TMOD2: variants seen among roughly 807,000 people sequenced by gnomAD.
TMOD2 encodes tropomodulin 2.
Under a neutral mutation model 39.9 loss-of-function variants are expected in TMOD2, and 22 were observed. That is an observed-to-expected ratio of 0.55 (90% confidence interval 0.39 to 0.79). The LOEUF is 0.79. Among genes scored for constraint, TMOD2 ranks in the 30% least tolerant of loss-of-function variants. The pLI is 0.00. For missense variants in TMOD2, 386 were observed against 413.3 expected (o/e 0.93, Z 0.57); for synonymous variants, 123 against 146.1 (o/e 0.84, Z 1.14).
At chr15:51,807,117 G>C (rs1158049849) in intron 9 of TMOD2, among the ~76,000 whole-genome samples, 1 of 152,220 alleles carries the variant, frequency 6.6e-6, no homozygotes, top group Non-Finnish European at 1.5e-5. Flanking sequence ...AACTGGGAAA[G>C]CTTGGTCTGA....
At chr15:51,791,637 G>A (rs2056012886) in intron 7 of TMOD2, among the ~76,000 whole-genome samples, 1 of 152,168 alleles carries the variant, frequency 6.6e-6, no homozygotes, top group African/African-American at 2.4e-5. Context: ...AAAACAGCAT[G>A]GTACTGGTAC....
chr15:51,773,025 A>G (rs1329872890), intron 3 of TMOD2, among the ~76,000 whole-genome samples: 1 of 152,152 alleles, frequency 6.6e-6, no homozygotes, highest in Non-Finnish European at 1.5e-5. Context: ...CAAGAGTTCC[A>G]TGCAGGGATA....
rs920554016 is a variant in TMOD2, at chr15:51,809,909, A to G, written c.*1455A>G. ...TTATTCTATTTAGCTTGTAAAACAC[A>G]TGGAATCTGTTTAAGATAGCCCTTG... On this transcript the variant is annotated 3_prime_UTR_variant, in exon 10 of 10. Coordinates refer to ENST00000249700, the MANE Select transcript of TMOD2 (RefSeq NM_014548.4). The G allele has an allele frequency of 1.3e-5, 2 of 152,214 alleles. No individual in the cohort carries two copies. Among genetic ancestry groups the G allele is most frequent in the Non-Finnish European group, 2.9e-5 (2 of 68,040 alleles). The allele number at this position is 152,214 out of a possible 1,614,324, so 9.4% of individuals were successfully genotyped here.
chr15:51,762,997 G>A (rs1186672513), intron 1 of TMOD2, among the ~76,000 whole-genome samples: 12 of 151,832 alleles, frequency 7.9e-5, no homozygotes, highest in Admixed American at 7.9e-4. Flanking sequence ...GTGCAGTGGT[G>A]CAATCATAGC....
At chr15:51,779,754 C>G (rs892356630) in intron 5 of TMOD2, among the ~76,000 whole-genome samples, 1 of 152,034 alleles carries the variant, frequency 6.6e-6, no homozygotes, top group Non-Finnish European at 1.5e-5. Flanking sequence ...TACCAAGGCT[C>G]ACTGCAGCCT....
At chr15:51,803,079 C>A (rs2056100126) in intron 8 of TMOD2, among the ~76,000 whole-genome samples, 1 of 150,660 alleles carries the variant, frequency 6.6e-6, no homozygotes, top group Non-Finnish European at 1.5e-5. Context: ...AGCAATAAAG[C>A]AGATTCAAAT....
intron 7 of TMOD2, among the ~76,000 whole-genome samples, chr15:51,786,995 A>T (rs1185163973): frequency 1.3e-5 from 2 of 152,188 alleles, no homozygotes; most frequent in Non-Finnish European, 2.9e-5. Flanking sequence ...GGTGCAGCCC[A>T]TGGAGGGTGA....
At chr15:51,795,479 T>C (rs1022116374) in intron 7 of TMOD2, among the ~76,000 whole-genome samples, 4 of 152,070 alleles carry the variant, frequency 2.6e-5, no homozygotes, top group African/African-American at 9.7e-5. Flanking sequence ...TGTCTAGTTA[T>C]TTCCTTCAGA....
At chr15:51,779,439 G>A (rs2055914411) in intron 5 of TMOD2, among the ~76,000 whole-genome samples, 2 of 151,084 alleles carry the variant, frequency 1.3e-5, no homozygotes, top group Admixed American at 1.3e-4. Context: ...GGAGTGCAGT[G>A]GCACGATCTC....
chr15:51,786,691 A>G (rs1052402752), intron 7 of TMOD2, among the ~76,000 whole-genome samples: 4 of 152,238 alleles, frequency 2.6e-5, no homozygotes, highest in Admixed American at 2.0e-4. Context: ...GCACTTTCAT[A>G]TAACCACATC....
intron 5 of TMOD2, among the ~76,000 whole-genome samples, chr15:51,777,750 A>G (rs1219306834): frequency 3.9e-5 from 6 of 152,182 alleles, no homozygotes; most frequent in Admixed American, 1.3e-4. Flanking sequence ...ATCCTCAATA[A>G]AATACTGGCA....
chr15:51,753,483 T>A (rs1271637413), intron 1 of TMOD2, among the ~76,000 whole-genome samples: 1 of 152,052 alleles, frequency 6.6e-6, no homozygotes. Context: ...GCAACTATTG[T>A]AGGTTAAAAT....
intron 7 of TMOD2, among the ~76,000 whole-genome samples, chr15:51,797,300 T>G (rs1261066829): frequency 6.6e-6 from 1 of 152,162 alleles, no homozygotes; most frequent in Non-Finnish European, 1.5e-5. Flanking sequence ...GGAGACTTCA[T>G]TGATTGTGCT....
intron 7 of TMOD2, among the ~76,000 whole-genome samples, chr15:51,786,455 G>A (rs2055970689): frequency 6.6e-6 from 1 of 152,158 alleles, no homozygotes; most frequent in South Asian, 2.1e-4. Flanking sequence ...TAGAATCAGT[G>A]AAGCCCTGTG....
intron 9 of TMOD2, among the ~76,000 whole-genome samples, chr15:51,807,359 G>A (rs1333654147): frequency 6.6e-6 from 1 of 152,224 alleles, no homozygotes; most frequent in African/African-American, 2.4e-5. Context: ...AGAACGGGAA[G>A]GGGCAAATAA....
chr15:51,806,545 G>A (rs757112628), intron 9 of TMOD2, 24 bp downstream of exon 9: 29 of 1,613,606 alleles, frequency 1.8e-5, no homozygotes, highest in Non-Finnish European at 2.5e-5. Context: ...AATATTTGCT[G>A]TTAACAATTA....
intron 1 of TMOD2, among the ~76,000 whole-genome samples, chr15:51,757,913 A>T (rs554793789): frequency 6.6e-6 from 1 of 152,198 alleles, no homozygotes; most frequent in South Asian, 2.1e-4. Context: ...AAAAATTTAA[A>T]AACTAGCTGA....
intron 3 of TMOD2, among the ~76,000 whole-genome samples, chr15:51,772,472 C>T (rs1293326286): frequency 1.3e-5 from 2 of 152,110 alleles, no homozygotes; most frequent in Non-Finnish European, 2.9e-5. Context: ...TGCCATCCTC[C>T]TGGGTATGGC....
At chr15:51,777,092 T>A (rs2141623827) in intron 5 of TMOD2, 74 bp downstream of exon 5, 1 of 1,278,078 alleles carries the variant, frequency 7.8e-7, no homozygotes, top group East Asian at 2.4e-5. Context: ...AGAGGCCTGT[T>A]GAGTCTTGCA....
Sources: allele counts gnomAD v4.1 joint callset (sites outside exome capture counted in the v4.1 genomes callset), GRCh38; gene constraint gnomAD v4.1.1; transcripts MANE v1.5; gene names NCBI Gene and HGNC (gene_info 2026-07-23, HGNC 2026-07-21).